Variants in SLC35F3 observed in about 807,000 individuals in gnomAD.
The protein encoded by SLC35F3 is solute carrier family 35 member F3, also known as putative thiamine transporter SLC35F3.
SLC35F3 carries 25 observed loss-of-function variants against 49.9 expected under a neutral mutation model. The observed-to-expected ratio is 0.50, with a 90% CI of 0.37 to 0.70. SLC35F3 has a LOEUF of 0.70. SLC35F3 is among the 30% of genes least tolerant of loss of function. SLC35F3 has a pLI of 0.00. For synonymous variants in SLC35F3, 275 were observed against 265.4 expected, an observed-to-expected ratio of 1.04 and a Z score of -0.35; for missense variants, 525 against 639.8, an observed-to-expected ratio of 0.82 and a Z score of 1.94.
rs73110450 is a variant in SLC35F3, at chr1:234,206,506, G to C, written c.284-24911G>C. 4.6e-5 allele frequency among the ~76,000 whole-genome samples: 6 copies of C among 129,978 alleles called. No homozygotes were observed. The East Asian group carries it at 8.4e-4, about 18-fold the overall frequency. The allele number at this position is 129,978 out of a possible 152,430, so 85.3% of individuals were successfully genotyped here. A position where few individuals can be genotyped will look rare whatever the true frequency, so the allele number is the denominator to read the frequency against. ...CAAGGGACGCTATTTCCCGGGGGGG[G>C]GCTATTTCCAGGGCTCACATTGCCT... On this transcript the variant is annotated intron_variant, in intron 2 of 7. Coordinates refer to ENST00000366618, the MANE Select transcript of SLC35F3 (RefSeq NM_173508.4).
intron 2 of SLC35F3, among the ~76,000 whole-genome samples, chr1:234,032,109 C>T (rs969794874): frequency 6.6e-6 from 1 of 152,076 alleles, no homozygotes; most frequent in African/African-American, 2.4e-5. Context: ...GATTGTTCTG[C>T]TCTCGGCATT....
At chr1:234,275,606 C>G (rs571327383) in intron 3 of SLC35F3, among the ~76,000 whole-genome samples, 72 of 152,064 alleles carry the variant, frequency 4.7e-4, no homozygotes, top group African/African-American at 1.5e-3. Flanking sequence ...CAGACAGACA[C>G]ACACACACAC....
rs192922189 is a variant in SLC35F3, at chr1:234,174,800, T to G, written c.284-56617T>G. 4.0e-3 allele frequency among the ~76,000 whole-genome samples: 615 copies of G among 152,340 alleles called. 3 individuals carry two copies. The highest frequency in any genetic ancestry group is 6.6e-3 in the Non-Finnish European group (451 of 68,022). On this transcript the variant is annotated intron_variant, in intron 2 of 7. Coordinates refer to ENST00000366618, the MANE Select transcript of SLC35F3 (RefSeq NM_173508.4). Reference sequence around the variant, plus strand: ...TTTGTGTGAAACATCGTCAACAAGGTGCCTATCAATTTCATTCAGGCAGCA... The same window carrying G: ...TTTGTGTGAAACATCGTCAACAAGGGGCCTATCAATTTCATTCAGGCAGCA...
At chr1:234,269,795 A>G (rs1250921828) in intron 3 of SLC35F3, among the ~76,000 whole-genome samples, 1 of 151,974 alleles carries the variant, frequency 6.6e-6, no homozygotes, top group Admixed American at 6.6e-5. Flanking sequence ...TTCTCATAAG[A>G]GCTGGTTTTT....
chr1:233,934,617 G>T (rs1662295407), intron 2 of SLC35F3, among the ~76,000 whole-genome samples: 1 of 152,242 alleles, frequency 6.6e-6, no homozygotes, highest in East Asian at 1.9e-4. Context: ...TTAATTATAA[G>T]TGTACAGCTT....
At chr1:234,004,074 A>G (rs998533932) in intron 2 of SLC35F3, among the ~76,000 whole-genome samples, 2 of 152,174 alleles carry the variant, frequency 1.3e-5, no homozygotes, top group Non-Finnish European at 2.9e-5. Context: ...AGCTTCCCCT[A>G]TGCCTTAGAA....
At chr1:234,052,904 T>C (rs561127268) in intron 2 of SLC35F3, among the ~76,000 whole-genome samples, 71 of 152,370 alleles carry the variant, frequency 4.7e-4, no homozygotes, top group African/African-American at 1.7e-3. Context: ...TACCCAGTAG[T>C]CACTCAGGAG....
intron 2 of SLC35F3, among the ~76,000 whole-genome samples, chr1:233,945,250 T>C (rs1025654115): frequency 1.3e-4 from 19 of 151,954 alleles, no homozygotes; most frequent in Non-Finnish European, 1.8e-4. Context: ...AAGCCTTTGC[T>C]CCTGAAGGCC....
Position 234,055,681 on chromosome 1 carries a change from A to G in SLC35F3, c.283+149923A>G, listed in dbSNP as rs566547989. On this transcript the variant is annotated intron_variant, in intron 2 of 7. Transcript: ENST00000366618. ...CCACTGTCTGACAAGCCCCAGTGAG[A>G]TGAACCCAGTACCACAGTTGGAAAT... Among the ~76,000 whole-genome samples, 10 of 152,320 alleles carry G rather than the reference A, an allele frequency of 6.6e-5. No individual in the cohort carries two copies. The South Asian group carries it at 2.1e-3, about 32-fold the overall frequency.
chr1:234,059,563 G>A (rs1218438395), intron 2 of SLC35F3, among the ~76,000 whole-genome samples: 2 of 151,912 alleles, frequency 1.3e-5, no homozygotes, highest in Non-Finnish European at 2.9e-5. Context: ...AGAACTAACA[G>A]GAGATAGAGG....
chr1:234,236,925 TTATATATATATA>T (rs55846915), intron 3 of SLC35F3, among the ~76,000 whole-genome samples: 1,117 of 96,266 alleles, frequency 0.012, 51 homozygotes, highest in South Asian at 0.036. Flanking sequence ...AAAAAAAAAA[TTATATATATATA>T]TATATATATA....
chr1:234,272,801 G>C (rs551462452), intron 3 of SLC35F3, among the ~76,000 whole-genome samples: 5 of 152,146 alleles, frequency 3.3e-5, no homozygotes, highest in South Asian at 2.1e-4. Context: ...TGTCCTCTTG[G>C]TGGGTGGCTG....
intron 2 of SLC35F3, among the ~76,000 whole-genome samples, chr1:234,128,839 G>A (rs1029411246): frequency 1.3e-5 from 2 of 152,114 alleles, no homozygotes; most frequent in African/African-American, 2.4e-5. Flanking sequence ...TCACTCTGTC[G>A]GAAAATCGGG....
rs1667360331 is a variant in SLC35F3 at position 234,231,044 on chromosome 1, T to C, written c.284-373T>C. ...GAGAGTGGAGATATTTCAGCTGCTC[T>C]GTGTGTTCTGGAGGAGTGTTTCCCA... On this transcript the variant is annotated intron_variant, in intron 2 of 7. Transcript: ENST00000366618. The surrounding 1 kb of genome is among the most constrained non-coding windows in gnomAD (Gnocchi z 5.4). Among the ~76,000 whole-genome samples the C allele has an allele frequency of 6.6e-6, 1 of 152,216 alleles. No homozygotes were observed. The highest frequency in any genetic ancestry group is 2.4e-5 in the African/African-American group (1 of 41,452).
At chr1:234,129,153 A>G (rs1665695756) in intron 2 of SLC35F3, among the ~76,000 whole-genome samples, 1 of 152,230 alleles carries the variant, frequency 6.6e-6, no homozygotes, top group Non-Finnish European at 1.5e-5. Context: ...TATTTAAAAT[A>G]CATACACCTC....
At chr1:233,947,754 G>A (rs535556334) in intron 2 of SLC35F3, among the ~76,000 whole-genome samples, 1 of 148,270 alleles carries the variant, frequency 6.7e-6, no homozygotes, top group African/African-American at 2.5e-5. Context: ...AGAGGGAGGA[G>A]AGAGAGAGAG....
chr1:234,276,989 GT>G (rs1378388262), intron 3 of SLC35F3, among the ~76,000 whole-genome samples: 2 of 152,178 alleles, frequency 1.3e-5, no homozygotes, highest in Non-Finnish European at 2.9e-5. Context: ...GTTTGGGGGT[GT>G]TCCTCTTCCC....
intron 3 of SLC35F3, among the ~76,000 whole-genome samples, chr1:234,258,267 G>A (rs1667851504): frequency 6.6e-6 from 1 of 152,216 alleles, no homozygotes; most frequent in South Asian, 2.1e-4. Flanking sequence ...CAGTTCCTGG[G>A]CGGGAGTTCA....
At chr1:234,253,626 C>A (rs1420524664) in intron 3 of SLC35F3, among the ~76,000 whole-genome samples, 4 of 151,920 alleles carry the variant, frequency 2.6e-5, no homozygotes, top group Non-Finnish European at 4.4e-5. Flanking sequence ...TTAAAAAAAA[C>A]AGCAACAACT....
Sources: gnomAD v4.1 joint callset for allele counts (sites outside exome capture counted in the v4.1 genomes callset) on GRCh38, gnomAD v4.1.1 for gene constraint, Gnocchi (gnomAD v3.1) non-coding constraint, MANE v1.5 for transcripts, NCBI Gene and HGNC (gene_info 2026-07-23, HGNC 2026-07-21) for gene names.